The following FMO1 variants were observed in gnomAD, a reference collection of about 807,000 sequenced individuals.
FMO1 encodes flavin containing dimethylaniline monoxygenase 1.
In FMO1, 36 loss-of-function variants were observed where a neutral mutation model predicts 45.4. The observed-to-expected ratio is 0.79, with a 90% CI of 0.61 to 1.05. The LOEUF (loss-of-function observed/expected upper bound fraction) is 1.05, where lower values mean the gene tolerates loss of function less well. FMO1 is among the 50% of genes least tolerant of loss of function. FMO1 has a pLI of 0.00. For missense variants in FMO1, 615 were observed against 640.3 expected (o/e 0.96, Z 0.43); for synonymous variants, 228 against 227.2 (o/e 1.00, Z -0.03).
Position 171,280,954 on chromosome 1 carries a change from C to T in FMO1, c.796C>T (p.His266Tyr). 1 of 1,613,824 alleles carries T rather than the reference C, an allele frequency of 6.2e-7. No individual in the cohort carries two copies. Among genetic ancestry groups the T allele is most frequent in the Non-Finnish European group, 8.5e-7 (1 of 1,179,790 alleles). ...MERKINNWLN[H>Y]ANYGLIPEDR... ...GCGAAAGATAAACAACTGGCTCAATCATGCAAATTACGGCTTAATACCAGA... is the reference window on the plus strand; with the variant it reads ...GCGAAAGATAAACAACTGGCTCAATTATGCAAATTACGGCTTAATACCAGA... Residue 266 changes from histidine (H) to tyrosine (Y), a missense_variant, in exon 6 of 9, where the codon CAT becomes TAT. His to Tyr is a moderately conservative substitution (Grantham distance 83). Coordinates refer to ENST00000617670, the MANE Select transcript of FMO1 (RefSeq NM_001282693.2).
chr1:171,275,861 T>A (rs1313441026), intron 4 of FMO1, among the ~76,000 whole-genome samples: 2 of 152,156 alleles, frequency 1.3e-5, no homozygotes, highest in Non-Finnish European at 2.9e-5. Flanking sequence ...AGGTACACAT[T>A]GCCAAAGTTG....
chr1:171,270,998 CA>C, intron 3 of FMO1: 3 of 956,478 alleles, frequency 3.1e-6, no homozygotes, highest in Non-Finnish European at 4.9e-6. Context: ...ACCTCCTCAT[CA>C]TAATCTTCTT....
At position 171,283,173 on chromosome 1, in the gene FMO1, A is replaced by G; in HGVS notation, c.1213A>G (p.Met405Val). The G allele has an allele frequency of 6.3e-7, 1 of 1,574,844 alleles. No homozygotes were observed. Among genetic ancestry groups the G allele is most frequent in the Non-Finnish European group, 8.7e-7 (1 of 1,155,008 alleles). Reference sequence around the variant, plus strand: ...AAATAAGTTACCACCACCAAGTGTCATGATAGAGGAAATTAATGCAAGGAA... The same window carrying G: ...AAATAAGTTACCACCACCAAGTGTCGTGATAGAGGAAATTAATGCAAGGAA... ...GVNKLPPPSV[M>V]IEEINARKEN... Residue 405 changes from methionine (M) to valine (V), a missense_variant, in exon 8 of 9, where the codon ATG (methionine) becomes GTG (valine). By Grantham distance (21) the Met-to-Val change is conservative (BLOSUM62 1). Transcript: ENST00000617670.
chr1:171,279,546 C>G (rs985407604), intron 5 of FMO1, among the ~76,000 whole-genome samples: 10 of 152,124 alleles, frequency 6.6e-5, no homozygotes, highest in Admixed American at 1.3e-4. Flanking sequence ...GCCTACGTTC[C>G]TAACTATCCT....
At chr1:171,277,384 T>C (rs1350478773) in intron 4 of FMO1, among the ~76,000 whole-genome samples, 1 of 152,174 alleles carries the variant, frequency 6.6e-6, no homozygotes. Flanking sequence ...AGATGACTAC[T>C]TTTATCATTC....
chr1:171,264,886 G>A lies in FMO1; in HGVS notation c.133-2657G>A, dbSNP rs147703354. On this transcript the variant is annotated intron_variant, in intron 2 of 8. Coordinates refer to ENST00000617670, the MANE Select transcript of FMO1 (RefSeq NM_001282693.2). ...TTCACTCCTTCCTGGGCGACAGAGC[G>A]AGACTCCATCTCAAAAAAAAACAAA... Among the ~76,000 whole-genome samples, 1,089 of 151,784 alleles carry A rather than the reference G, an allele frequency of 7.2e-3. 14 individuals are homozygous for A. The highest frequency in any genetic ancestry group is 0.025 in the African/African-American group (1,025 of 41,368).
chr1:171,260,644 A>C (rs1308456856), intron 2 of FMO1, among the ~76,000 whole-genome samples: 2 of 151,988 alleles, frequency 1.3e-5, no homozygotes, highest in Non-Finnish European at 2.9e-5. Flanking sequence ...AAAATAGAGA[A>C]GGTCAGCCAG....
chr1:171,280,509 C>T (rs1661304524), intron 5 of FMO1, among the ~76,000 whole-genome samples: 1 of 152,182 alleles, frequency 6.6e-6, no homozygotes, highest in Admixed American at 6.5e-5. Flanking sequence ...CTTACATAGA[C>T]TTTAGGTCCC....
chr1:171,269,014 A>G (rs1660737776), intron 3 of FMO1, among the ~76,000 whole-genome samples: 2 of 152,174 alleles, frequency 1.3e-5, no homozygotes, highest in Admixed American at 6.5e-5. Context: ...GCTTGCTGCC[A>G]TGCACGTAAG....
intron 3 of FMO1, among the ~76,000 whole-genome samples, chr1:171,272,286 T>A (rs1007158134): frequency 6.6e-6 from 1 of 152,206 alleles, no homozygotes; most frequent in Non-Finnish European, 1.5e-5. Flanking sequence ...ACAGGATGTA[T>A]GGAAATGCCT....
chr1:171,255,714 T>C (rs1196475690), intron 1 of FMO1, among the ~76,000 whole-genome samples: 1 of 151,990 alleles, frequency 6.6e-6, no homozygotes, highest in Non-Finnish European at 1.5e-5. Context: ...ATAGGAAAAT[T>C]GCCTCACCCT....
chr1:171,248,750 T>G (rs1471453084), intron 1 of FMO1, 127 bp downstream of exon 1: 3 of 152,062 alleles, frequency 2.0e-5, no homozygotes, highest in Admixed American at 6.5e-5. Context: ...TGTCCAACCC[T>G]GGAGGAGCTA....
chr1:171,256,484 G>A (rs1007977126), intron 1 of FMO1, among the ~76,000 whole-genome samples: 1 of 151,852 alleles, frequency 6.6e-6, no homozygotes, highest in Admixed American at 6.6e-5. Flanking sequence ...GCCCAGAGAG[G>A]GGAAAATTAT....
intron 7 of FMO1, chr1:171,282,897 C>G (rs530764353): frequency 1.5e-5 from 6 of 399,468 alleles, no homozygotes; most frequent in African/African-American, 1.1e-4. Flanking sequence ...TTCAGCCAAA[C>G]TAGTTGTGAG....
chr1:171,279,666 A>G (rs1661275232), intron 5 of FMO1, among the ~76,000 whole-genome samples: 1 of 152,100 alleles, frequency 6.6e-6, no homozygotes, highest in Admixed American at 6.6e-5. Context: ...CTAGACCCCA[A>G]CTACCAACAA....
intron 8 of FMO1, among the ~76,000 whole-genome samples, chr1:171,284,964 G>A (rs1661558410): frequency 6.6e-6 from 1 of 152,026 alleles, no homozygotes. Flanking sequence ...GAACTAAGAT[G>A]CATTATGAGC....
intron 4 of FMO1, among the ~76,000 whole-genome samples, chr1:171,277,752 A>C (rs957320715): frequency 5.9e-5 from 9 of 152,200 alleles, no homozygotes; most frequent in Non-Finnish European, 1.2e-4. Context: ...CATCCTTGCT[A>C]AATTCCAAAT....
intron 2 of FMO1, among the ~76,000 whole-genome samples, chr1:171,261,237 G>A (rs1030541550): frequency 4.6e-5 from 7 of 152,000 alleles, no homozygotes; most frequent in African/African-American, 1.5e-4. Context: ...AGGCAATCTT[G>A]AAGGTGCCTT....
In FMO1 at chr1:171,261,321, G is replaced by GCACA. The variant is rs71561567; in HGVS notation, c.132+3121_132+3124dup. ...TTCCCTCCTTCCCCAACACACACAGGCACACACACACACACACACACAAAA... is the reference window on the plus strand; with the variant it reads ...TTCCCTCCTTCCCCAACACACACAGGCACACACACACACACACACACACACAAAA... On this transcript the variant is annotated intron_variant, in intron 2 of 8. Transcript: ENST00000617670. 6.3e-3 allele frequency among the ~76,000 whole-genome samples: 930 copies of GCACA among 148,036 alleles called. 12 individuals carry two copies. Among genetic ancestry groups the GCACA allele is most frequent in the African/African-American group, 0.022 (864 of 40,182 alleles).
Sources: allele counts gnomAD v4.1 joint callset (sites outside exome capture counted in the v4.1 genomes callset), GRCh38; gene constraint gnomAD v4.1.1; transcripts MANE v1.5; gene names NCBI Gene and HGNC (gene_info 2026-07-23, HGNC 2026-07-21).